VPS13C: variants seen among roughly 807,000 people sequenced by gnomAD.
VPS13C encodes intermembrane lipid transfer protein VPS13C.
In VPS13C, 358 loss-of-function variants were observed where a neutral mutation model predicts 456.8. The observed-to-expected ratio is 0.78, with a 90% confidence interval of 0.72 to 0.86. VPS13C has a LOEUF of 0.86. Among genes scored for constraint, VPS13C ranks in the 40% least tolerant of loss-of-function variants. The pLI is 0.00. For missense variants in VPS13C, 4,818 were observed against 4,385.4 expected (o/e 1.10, Z -2.79); for synonymous variants, 1,578 against 1,486.7 (o/e 1.06, Z -1.41).
rs767592563 is a variant in VPS13C at position 61,984,921 on chromosome 15, G to A, written c.1657C>T (p.Leu553=). The change falls in exon 19 of 85, where the codon CTA becomes TTA. Residue 553 remains leucine (L), a synonymous_variant. Transcript: ENST00000644861. The part of the protein sequence containing the change: ...IRENKNIPEI[L]KIQIIGLGTQ... Reference sequence around the variant, plus strand: ...CCCAGGCCAATTATCTGAATTTTTAGTATTTCTGGAATATTCTTGTTTTCT... The same window carrying A: ...CCCAGGCCAATTATCTGAATTTTTAATATTTCTGGAATATTCTTGTTTTCT... The A allele has an allele frequency of 5.0e-6, 8 of 1,612,322 alleles. No individual in the cohort carries two copies. Among genetic ancestry groups the A allele is most frequent in the Non-Finnish European group, 8.5e-7 (1 of 1,179,462 alleles).
chr15:62,001,995 T>C (rs1027949741), intron 15 of VPS13C, among the ~76,000 whole-genome samples: 21 of 152,332 alleles, frequency 1.4e-4, no homozygotes, highest in African/African-American at 4.8e-4. Flanking sequence ...GCATGTGTCT[T>C]TATAGCAGCA....
At chr15:61,862,610 A>C (rs1478888857) in intron 82 of VPS13C, among the ~76,000 whole-genome samples, 2 of 152,186 alleles carry the variant, frequency 1.3e-5, no homozygotes, top group Non-Finnish European at 2.9e-5. Context: ...AAAATAAGTG[A>C]TTACTTGTCA....
intron 13 of VPS13C, among the ~76,000 whole-genome samples, chr15:62,009,713 C>G (rs1001428461): frequency 6.6e-6 from 1 of 152,126 alleles, no homozygotes; most frequent in Non-Finnish European, 1.5e-5. Flanking sequence ...AGCTAAATCT[C>G]CTGTCCTCCT....
chr15:61,906,364 C>T (rs1404707370), intron 66 of VPS13C, among the ~76,000 whole-genome samples: 2 of 152,180 alleles, frequency 1.3e-5, no homozygotes, highest in African/African-American at 4.8e-5. Context: ...ACATTAAAAA[C>T]TGAAATCCCT....
chr15:61,870,453 C>A (rs1474822597), intron 79 of VPS13C, among the ~76,000 whole-genome samples: 1 of 152,108 alleles, frequency 6.6e-6, no homozygotes, highest in African/African-American at 2.4e-5. Flanking sequence ...GTAACAAGTA[C>A]CAGTACATGA....
At chr15:61,957,154 G>A (rs371400616) in intron 37 of VPS13C, among the ~76,000 whole-genome samples, 5 of 152,006 alleles carry the variant, frequency 3.3e-5, no homozygotes, top group Admixed American at 6.6e-5. Context: ...ACAACAACAC[G>A]AATGAATCTC....
chr15:61,879,249 A>G (rs1453980383), intron 73 of VPS13C: 1 of 152,814 alleles, frequency 6.5e-6, no homozygotes, highest in Non-Finnish European at 1.5e-5. Context: ...TTTGAACTGA[A>G]CCATCATTAG....
intron 48 of VPS13C, among the ~76,000 whole-genome samples, chr15:61,934,876 A>G (rs557502776): frequency 1.9e-4 from 29 of 152,034 alleles, no homozygotes; most frequent in African/African-American, 7.0e-4. Flanking sequence ...TCAGCCTCCC[A>G]AGTAGCTGGG....
intron 38 of VPS13C, among the ~76,000 whole-genome samples, chr15:61,954,027 T>A (rs1212765633): frequency 6.6e-6 from 1 of 152,230 alleles, no homozygotes; most frequent in Non-Finnish European, 1.5e-5. Flanking sequence ...CTCAAGAGTA[T>A]GCAGATGGCA....
chr15:61,929,445 T>G (rs2043979002), intron 51 of VPS13C, 56 bp downstream of exon 51: 1 of 1,550,190 alleles, frequency 6.5e-7, no homozygotes, highest in African/African-American at 1.4e-5. Context: ...TTTTCTGGTT[T>G]GTAATTCTTG....
Position 62,007,412 on chromosome 15 carries a change from T to A in VPS13C, c.1186A>T (p.Ser396Cys), listed in dbSNP as rs1388104842. ...IRRYTQMWSW[S>C]NIKKHRQLLK... ...AACTGCCTGTGCTTTTTTATGTTAC[T>A]CCATGACCACATCTGTGTATACCTT... Residue 396 changes from serine to cysteine, a missense_variant, in exon 15 of 85, where the codon AGT (serine) becomes TGT (cysteine). Ser to Cys is a moderately radical substitution (Grantham distance 112). Coordinates refer to ENST00000644861, the MANE Select transcript of VPS13C (RefSeq NM_020821.3). 1 of 1,612,990 alleles carries A rather than the reference T, an allele frequency of 6.2e-7. No individual in the cohort carries two copies. Among genetic ancestry groups the A allele is most frequent in the Admixed American group, 1.7e-5 (1 of 59,912 alleles).
At position 61,966,210 on chromosome 15, in the gene VPS13C, T is replaced by C. The variant is rs2045371373; in HGVS notation, c.2992-68A>G. ...AAGTAAATAAATCACTTATTTATTA[T>C]CTCTGGTTAATTTATTTATAGTTAT... On this transcript the variant is annotated intron_variant, in intron 29 of 84. Transcript: ENST00000644861. 30 of 1,066,558 alleles carry C rather than the reference T, an allele frequency of 2.8e-5. No individual in the cohort carries two copies. In the South Asian group the frequency reaches 4.8e-4, roughly 17 times the overall value. 66.1% of individuals were successfully genotyped at this position (1,066,558 alleles called of 1,614,324 possible). A position where few individuals can be genotyped will look rare whatever the true frequency, so the allele number is the denominator to read the frequency against.
intron 51 of VPS13C, among the ~76,000 whole-genome samples, chr15:61,929,246 C>A (rs1205555925): frequency 6.6e-6 from 1 of 152,186 alleles, no homozygotes; most frequent in Non-Finnish European, 1.5e-5. Flanking sequence ...AAATTAACTT[C>A]ATTTCTGGAT....
chr15:61,984,785 C>T, intron 19 of VPS13C, 72 bp downstream of exon 19: 3 of 1,467,536 alleles, frequency 2.0e-6, no homozygotes, highest in Non-Finnish European at 2.8e-6. Context: ...ATTTTTAAAC[C>T]TGAATAACAC....
chr15:61,980,883 G>A lies in VPS13C; in HGVS notation c.2166+459C>T, dbSNP rs1438137302. On this transcript the variant is annotated intron_variant, in intron 22 of 84. Coordinates refer to ENST00000644861, the MANE Select transcript of VPS13C (RefSeq NM_020821.3). ...AACTTCAAAGTCCCCTCATATATTT[G>A]AAATTGTCACCTTTTACTGGAGGCT... Among the ~76,000 whole-genome samples, 5 of 151,982 alleles carry A rather than the reference G, an allele frequency of 3.3e-5. No homozygotes were observed. In the South Asian group the frequency reaches 6.2e-4, roughly 19 times the overall value.
chr15:61,938,235 C>T (rs1229560825), intron 47 of VPS13C, among the ~76,000 whole-genome samples: 1 of 150,688 alleles, frequency 6.6e-6, no homozygotes, highest in Non-Finnish European at 1.5e-5. Flanking sequence ...TTCTGAAGGG[C>T]AACTAAGTTC....
In VPS13C at chr15:61,907,348, T is replaced by C; in HGVS notation, c.9021A>G (p.Arg3007=). Residue 3007 remains arginine (R), a synonymous_variant, in exon 66 of 85, where the codon CGA becomes CGG. Transcript: ENST00000644861. ...EEMVLLPRQA[R]LFAWADPTGT... ...CAGTAGGATCTGCCCAGGCAAAAAG[T>C]CGAGCCTGTCTTGGCAGCAAGACCA... The C allele has an allele frequency of 6.2e-7, 1 of 1,614,028 alleles. No individual in the cohort carries two copies.
At chr15:61,884,417 T>A in intron 67 of VPS13C, 148 bp from the exon 68 acceptor site, 3 of 816,164 alleles carry the variant, frequency 3.7e-6, no homozygotes, top group Non-Finnish European at 5.5e-6. Context: ...TATACCTGTG[T>A]TGCAAGAGTA....
Position 62,000,610 on chromosome 15 carries a change from A to G in VPS13C, c.1307T>C (p.Leu436Pro), listed in dbSNP as rs546478855. The change falls in exon 16 of 85, where the codon CTA becomes CCA. Residue 436 changes from leucine to proline, a missense_variant. Coordinates refer to ENST00000644861, the MANE Select transcript of VPS13C (RefSeq NM_020821.3). The part of the protein sequence containing the change: ...QKEIQDLEKT[L>P]DVFNIILARQ... ...TGCTAAAATTATGTTAAAAACATCTAGAGTCTTCTCCAAGTCCTGTAAAAA... is the reference window on the plus strand; with the variant it reads ...TGCTAAAATTATGTTAAAAACATCTGGAGTCTTCTCCAAGTCCTGTAAAAA... The G allele has an allele frequency of 6.2e-7, 1 of 1,606,852 alleles. No homozygotes were observed. Among genetic ancestry groups the G allele is most frequent in the South Asian group, 1.1e-5 (1 of 88,396 alleles).
Sources: allele counts gnomAD v4.1 joint callset (sites outside exome capture counted in the v4.1 genomes callset), GRCh38; gene constraint gnomAD v4.1.1; transcripts MANE v1.5; gene names NCBI Gene and HGNC (gene_info 2026-07-23, HGNC 2026-07-21).